The following MOBP variants were observed in gnomAD, a reference collection of about 807,000 sequenced individuals.
MOBP encodes the protein myelin associated oligodendrocyte basic protein.
Under a neutral mutation model 15.0 loss-of-function variants are expected in MOBP, and 5 were observed. That is an observed-to-expected ratio of 0.33 (90% CI 0.17 to 0.70). The LOEUF (loss-of-function observed/expected upper bound fraction) is 0.70. MOBP is among the 30% of genes least tolerant of loss of function. The probability of loss-of-function intolerance (pLI) is 0.67; values close to 1 mark genes in which losing one functional copy is unlikely to be tolerated. For synonymous variants in MOBP, 88 were observed against 99.0 expected (o/e 0.89, Z 0.66); for missense variants, 188 against 257.8 (o/e 0.73, Z 1.85).
intron 1 of MOBP, among the ~76,000 whole-genome samples, chr3:39,468,727 TATAC>T (rs1424173433): frequency 7.2e-6 from 1 of 137,976 alleles, no homozygotes; most frequent in African/African-American, 3.2e-5. Context: ...TATATACATA[TATAC>T]ATATGTGTGT....
intron 4 of MOBP, among the ~76,000 whole-genome samples, chr3:39,511,735 A>T (rs2043122043): frequency 6.6e-6 from 1 of 151,998 alleles, no homozygotes; most frequent in Non-Finnish European, 1.5e-5. Flanking sequence ...AGAATCTTAC[A>T]CTCATCCCCC....
chr3:39,502,525 G>A lies in MOBP; in HGVS notation c.207-10G>A, dbSNP rs767176526. 4 of 1,572,366 alleles carry A rather than the reference G, an allele frequency of 2.5e-6. No homozygotes were observed. The highest frequency in any genetic ancestry group is 1.3e-5 in the African/African-American group (1 of 74,256). ...TGGCTCCCGCCTCCAGCTTCTTTTGGCCCTCTCAGAACCAGCCGCCGTGCC... is the reference window on the plus strand; with the variant it reads ...TGGCTCCCGCCTCCAGCTTCTTTTGACCCTCTCAGAACCAGCCGCCGTGCC... On this transcript the variant is annotated splice_polypyrimidine_tract_variant and intron_variant, in intron 3 of 3. Coordinates refer to ENST00000684792, the MANE Select transcript of MOBP (RefSeq NM_001393704.1). The surrounding 1 kb of genome is among the most constrained non-coding windows in gnomAD (Gnocchi z 6.3).
At chr3:39,524,379 T>G (rs1450054551) in intron 4 of MOBP, 2 of 152,240 alleles carry the variant, frequency 1.3e-5, no homozygotes, top group Non-Finnish European at 2.9e-5. Context: ...CTCTTTGTCT[T>G]TGGTGTTCTG....
intron 1 of MOBP, among the ~76,000 whole-genome samples, chr3:39,479,121 C>A (rs1237382264): frequency 1.3e-5 from 2 of 152,166 alleles, no homozygotes; most frequent in African/African-American, 4.8e-5. Context: ...AGCCACCGCG[C>A]ACGGCCCTGA....
At chr3:39,521,287 A>G (rs2043262767) in intron 3 of MOBP, among the ~76,000 whole-genome samples, 1 of 152,198 alleles carries the variant, frequency 6.6e-6, no homozygotes, top group South Asian at 2.1e-4. Context: ...AGCCACCATT[A>G]GGATAGAACT....
At chr3:39,524,698 C>T (rs749820052) in exon 5 of MOBP, 1 of 152,052 alleles carries the variant, frequency 6.6e-6, no homozygotes, top group Non-Finnish European at 1.5e-5. Flanking sequence ...AGGCACCCAT[C>T]CTAGAGAAAA....
chr3:39,468,686 G>A (rs369922885), intron 1 of MOBP, among the ~76,000 whole-genome samples: 1 of 125,780 alleles, frequency 8.0e-6, no homozygotes, highest in African/African-American at 3.2e-5. Context: ...AAAAATATGT[G>A]TGTGTATATA....
At chr3:39,526,039 GGGT>G (rs2043320017), downstream of MOBP, 2 of 152,452 alleles carry the variant, frequency 1.3e-5, no homozygotes, top group Non-Finnish European at 2.9e-5. Flanking sequence ...GTGAGGTGCA[GGGT>G]GGTGGTGGTG....
chr3:39,496,408 C>G (rs2042883495), intron 2 of MOBP, among the ~76,000 whole-genome samples: 1 of 151,748 alleles, frequency 6.6e-6, no homozygotes, highest in African/African-American at 2.4e-5. Context: ...ACCGTGTTAG[C>G]CAGGATGGTC....
At chr3:39,528,749 A>G (rs1302503305), downstream of MOBP, 1 of 152,270 alleles carries the variant, frequency 6.6e-6, no homozygotes, top group African/African-American at 2.4e-5. Flanking sequence ...AGCCTATTGG[A>G]GAGAATCAGG....
chr3:39,503,116 T>G, downstream of MOBP: 1 of 475,154 alleles, frequency 2.1e-6, no homozygotes, highest in Non-Finnish European at 3.6e-6. Context: ...CTAATAGGAC[T>G]GGAAGTTGTT....
At chr3:39,503,807 A>G (rs2043012705), downstream of MOBP, among the ~76,000 whole-genome samples, 1 of 152,316 alleles carries the variant, frequency 6.6e-6, no homozygotes, top group African/African-American at 2.4e-5. Context: ...TCTGATACCC[A>G]GCACTTGTGT....
exon 4 of MOBP, chr3:39,524,280 A>G (rs2043302493): frequency 6.6e-6 from 1 of 152,212 alleles, no homozygotes; most frequent in South Asian, 2.1e-4. Flanking sequence ...TCTGACCTCT[A>G]TAATTGCCAC....
In MOBP at chr3:39,508,986, T is replaced by TA. The variant is rs1395450781; in HGVS notation, c.*-4396dup. ...CCCTATACAGTATATATGTATATAG[T>TA]ATATATACATATGCATCCATATAGT... On this transcript the variant is annotated intron_variant, in intron 4 of 4. Transcript: ENST00000311042. Among the ~76,000 whole-genome samples the TA allele has an allele frequency of 6.6e-5, 10 of 152,292 alleles. No homozygotes were observed. The East Asian group carries it at 1.9e-3, about 29-fold the overall frequency.
At chr3:39,501,959 A>G (rs947451905) in intron 2 of MOBP, 107 bp from the exon 3 acceptor site, 23 of 918,736 alleles carry the variant, frequency 2.5e-5, no homozygotes, top group Non-Finnish European at 3.6e-5. Context: ...GCCCCCCTGA[A>G]TGTTACCTTG....
At chr3:39,489,689 C>CCCCT (rs749893415) in intron 2 of MOBP, among the ~76,000 whole-genome samples, 1 of 151,292 alleles carries the variant, frequency 6.6e-6, no homozygotes, top group Non-Finnish European at 1.5e-5. Flanking sequence ...GTATTGTTCC[C>CCCCT]CGCCCAGCTC....
chr3:39,482,751 T>C (rs2042647108), intron 2 of MOBP, among the ~76,000 whole-genome samples: 2 of 151,938 alleles, frequency 1.3e-5, no homozygotes, highest in African/African-American at 4.8e-5. Context: ...TATTTTTTGA[T>C]CTACCTAGCA....
downstream of MOBP, among the ~76,000 whole-genome samples, chr3:39,517,128 AG>A (rs2043213911): frequency 6.6e-6 from 1 of 152,226 alleles, no homozygotes; most frequent in Non-Finnish European, 1.5e-5. Context: ...CCCAAGGGTC[AG>A]GTGTGCAGTT....
chr3:39,495,123 C>G (rs2042858933), intron 2 of MOBP, among the ~76,000 whole-genome samples: 1 of 152,138 alleles, frequency 6.6e-6, no homozygotes, highest in South Asian at 2.1e-4. Flanking sequence ...TAGACAATCC[C>G]AAATTGTTTC....
Sources: allele counts gnomAD v4.1 joint callset (sites outside exome capture counted in the v4.1 genomes callset), GRCh38; gene constraint gnomAD v4.1.1; non-coding constraint Gnocchi (gnomAD v3.1); transcripts MANE v1.5; gene names NCBI Gene and HGNC (gene_info 2026-07-23, HGNC 2026-07-21).